FOXK1: variants seen among roughly 807,000 people sequenced by gnomAD.
FOXK1 encodes the protein forkhead box protein K1.
In FOXK1, 19 loss-of-function variants were observed where a neutral mutation model predicts 51.9. The ratio of observed to expected loss-of-function variants is 0.37; its 90% confidence interval spans 0.26 to 0.54. The LOEUF (loss-of-function observed/expected upper bound fraction) is 0.54. Ranked by LOEUF, FOXK1 falls within the 20% of genes least tolerant of loss-of-function variation. The pLI, the probability that FOXK1 is intolerant of heterozygous loss-of-function variation, is 0.87. For synonymous variants in FOXK1, 537 were observed against 482.6 expected, an observed-to-expected ratio of 1.11 and a Z score of -1.48; for missense variants, 870 against 1,032.7, an observed-to-expected ratio of 0.84 and a Z score of 2.16.
chr7:4,721,378 C>A (rs1002828914), intron 1 of FOXK1, among the ~76,000 whole-genome samples: 4 of 152,128 alleles, frequency 2.6e-5, no homozygotes, highest in African/African-American at 9.7e-5. Flanking sequence ...TGAGAAGCGA[C>A]CATTCCCTGC....
At position 4,734,948 on chromosome 7, in the gene FOXK1, C is replaced by A. The variant is rs905972240; in HGVS notation, c.561-5890C>A. ...CTCCGGAAGCTTTCACGGGCTCTTC[C>A]TTCCCTCTCTGATTATTTCTCTGAG... On this transcript the variant is annotated intron_variant, in intron 1 of 8. Transcript: ENST00000328914. This position sits in a 1 kb window ranked among gnomAD's most constrained non-coding sequence, Gnocchi z 5.2. Among the ~76,000 whole-genome samples the A allele has an allele frequency of 6.6e-6, 1 of 152,178 alleles. No homozygotes were observed. The highest frequency in any genetic ancestry group is 2.4e-5 in the African/African-American group (1 of 41,436).
intron 1 of FOXK1, among the ~76,000 whole-genome samples, chr7:4,705,554 T>TCTCTCGCTCTCG (rs1554249288): frequency 1.0e-3 from 134 of 131,556 alleles, no homozygotes; most frequent in African/African-American, 4.0e-3. Context: ...TCTCTCTCTC[T>TCTCTCGCTCTCG]CTCTCGCTCT....
rs762080924 is a variant in FOXK1, at chr7:4,735,437, GCCA to G, written c.561-5397_561-5395del. 6.4e-4 allele frequency among the ~76,000 whole-genome samples: 97 copies of G among 152,280 alleles called. No homozygotes were observed. The highest frequency in any genetic ancestry group is 1.1e-3 in the Non-Finnish European group (76 of 68,032). On this transcript the variant is annotated intron_variant, in intron 1 of 8. Coordinates refer to ENST00000328914, the MANE Select transcript of FOXK1 (RefSeq NM_001037165.2). This position sits in a 1 kb window ranked among gnomAD's most constrained non-coding sequence, Gnocchi z 4.7. ...TTCAGCGCATTCGCAGAGTTGCGCGGCCACCAAGTCAACTTCGGAACATTTTCC... is the reference window on the plus strand; with the variant it reads ...TTCAGCGCATTCGCAGAGTTGCGCGGCCAAGTCAACTTCGGAACATTTTCC...
rs748055766 is a variant in FOXK1 at position 4,735,405 on chromosome 7, C to T, written c.561-5433C>T. On this transcript the variant is annotated intron_variant, in intron 1 of 8. Coordinates refer to ENST00000328914, the MANE Select transcript of FOXK1 (RefSeq NM_001037165.2). The surrounding 1 kb of genome is among the most constrained non-coding windows in gnomAD (Gnocchi z 4.7). ...ACTAACCCTTTCCATTGTTCCAGTCCGTGGTTTTCAGCGCATTCGCAGAGT... is the reference window on the plus strand; with the variant it reads ...ACTAACCCTTTCCATTGTTCCAGTCTGTGGTTTTCAGCGCATTCGCAGAGT... Among the ~76,000 whole-genome samples, 14 of 152,150 alleles carry T rather than the reference C, an allele frequency of 9.2e-5. No homozygotes were observed. Among genetic ancestry groups the T allele is most frequent in the African/African-American group, 1.9e-4 (8 of 41,434 alleles).
At position 4,757,146 on chromosome 7, in the gene FOXK1, T is replaced by A; in HGVS notation, c.1203T>A (p.Gly401=). The change falls in exon 5 of 9, where the codon GGT becomes GGA. Residue 401 remains glycine, a synonymous_variant. Transcript: ENST00000328914. ...EQAFRKRRQR[G]VSCFRTPFGP... is the part of the protein sequence containing the mutation. ...CATTCCGGAAACGGAGGCAGAGGGG[T>A]GTCTCCTGCTTCCGCACCCCCTTCG... 2 of 1,612,248 alleles carry A rather than the reference T, an allele frequency of 1.2e-6. No individual in the cohort carries two copies. Among genetic ancestry groups the A allele is most frequent in the Non-Finnish European group, 1.7e-6 (2 of 1,179,736 alleles).
At position 4,683,248 on chromosome 7, in the gene FOXK1, C is replaced by G. The variant is rs1014664180; in HGVS notation, c.560+380C>G. Among the ~76,000 whole-genome samples the G allele has an allele frequency of 3.3e-5, 5 of 151,506 alleles. No homozygotes were observed. The highest frequency in any genetic ancestry group is 6.6e-5 in the Admixed American group (1 of 15,222). On this transcript the variant is annotated intron_variant, in intron 1 of 8. Coordinates refer to ENST00000328914, the MANE Select transcript of FOXK1 (RefSeq NM_001037165.2). This position sits in a 1 kb window ranked among gnomAD's most constrained non-coding sequence, Gnocchi z 4.5. ...CCTGGGCTCCTGGAGCCACCCATAC[C>G]CCAAGCCCATCTGGCTGGGCCTCTT...
intron 1 of FOXK1, among the ~76,000 whole-genome samples, chr7:4,706,357 C>T (rs1240556453): frequency 6.6e-6 from 1 of 151,458 alleles, no homozygotes. Flanking sequence ...AGTGCTCTGG[C>T]ACCCTAAGTT....
chr7:4,705,554 T>TCTCTCTCTCTCTCTCTCTCGCTCTCG (rs895937029), intron 1 of FOXK1, among the ~76,000 whole-genome samples: 1 of 131,514 alleles, frequency 7.6e-6, no homozygotes, highest in African/African-American at 3.2e-5. Context: ...TCTCTCTCTC[T>TCTCTCTCTCTCTCTCTCTCGCTCTCG]CTCTCGCTCT....
At position 4,729,835 on chromosome 7, in the gene FOXK1, C is replaced by T. The variant is rs370902006; in HGVS notation, c.561-11003C>T. Among the ~76,000 whole-genome samples the T allele has an allele frequency of 1.9e-4, 29 of 152,242 alleles. No homozygotes were observed. Among genetic ancestry groups the T allele is most frequent in the African/African-American group, 6.7e-4 (28 of 41,556 alleles). ...TGAAACCCCATCTCTACTAACAATA[C>T]AAAAACTAGCCAGGCCTGGTAGTGG... On this transcript the variant is annotated intron_variant, in intron 1 of 8. Transcript: ENST00000328914. This position sits in a 1 kb window ranked among gnomAD's most constrained non-coding sequence, Gnocchi z 6.2.
Position 4,735,183 on chromosome 7 carries a change from G to A in FOXK1, c.561-5655G>A, listed in dbSNP as rs890699246. ...CAGTTCCAGCTCGCTGTGTAGAGAC[G>A]GCTCTGTGGTCTGAGGCTGAGCCAG... is the stretch of plus-strand genomic sequence containing the variant. On this transcript the variant is annotated intron_variant, in intron 1 of 8. Coordinates refer to ENST00000328914, the MANE Select transcript of FOXK1 (RefSeq NM_001037165.2). The surrounding 1 kb of genome is among the most constrained non-coding windows in gnomAD (Gnocchi z 4.7). 3.9e-5 allele frequency among the ~76,000 whole-genome samples: 6 copies of A among 152,040 alleles called. No individual in the cohort carries two copies. The highest frequency in any genetic ancestry group is 2.1e-4 in the South Asian group (1 of 4,812).
intron 1 of FOXK1, among the ~76,000 whole-genome samples, chr7:4,726,036 G>A (rs1230663166): frequency 1.3e-5 from 2 of 150,818 alleles, no homozygotes; most frequent in Non-Finnish European, 2.9e-5. Flanking sequence ...TTTAAGCAGC[G>A]AAGACCTTTT....
In FOXK1 at chr7:4,732,636, G is replaced by A. The variant is rs1780493243; in HGVS notation, c.561-8202G>A. 2.0e-5 allele frequency among the ~76,000 whole-genome samples: 3 copies of A among 152,160 alleles called. No homozygotes were observed. In the South Asian group the frequency reaches 6.2e-4, roughly 32 times the overall value. On this transcript the variant is annotated intron_variant, in intron 1 of 8. Transcript: ENST00000328914. ...CCAGCCAATATGCATAGTTTTAAAT[G>A]GCCATAGTAACGCAAGGCTTCAAAC...
rs1275101885 is a variant in FOXK1 at position 4,766,517 on chromosome 7, A to C, written c.*4053A>C. The stretch of plus-strand genomic sequence containing the variant: ...TTTATTTGTATCTCCCTTTTCTTTG[A>C]TTTAAGAACAATGCCAAGTGAAAAA... On this transcript the variant is annotated 3_prime_UTR_variant, in exon 9 of 9. Coordinates refer to ENST00000328914, the MANE Select transcript of FOXK1 (RefSeq NM_001037165.2). This position sits in a 1 kb window ranked among gnomAD's most constrained non-coding sequence, Gnocchi z 5.5. The C allele has an allele frequency of 1.3e-5, 2 of 152,064 alleles. No individual in the cohort carries two copies. Among genetic ancestry groups the C allele is most frequent in the Non-Finnish European group, 2.9e-5 (2 of 68,024 alleles). 9.4% of individuals were successfully genotyped at this position (152,064 alleles called of 1,614,324 possible).
At chr7:4,687,334 C>T (rs1373928399) in intron 1 of FOXK1, among the ~76,000 whole-genome samples, 3 of 151,696 alleles carry the variant, frequency 2.0e-5, no homozygotes, top group Non-Finnish European at 2.9e-5. Flanking sequence ...ACTCTGTTGC[C>T]CGGGCTGGAG....
chr7:4,687,239 TC>T (rs1461008538), intron 1 of FOXK1, among the ~76,000 whole-genome samples: 1 of 150,910 alleles, frequency 6.6e-6, no homozygotes, highest in Non-Finnish European at 1.5e-5. Flanking sequence ...GCCTTTTTTT[TC>T]CTTTTTACAT....
At chr7:4,742,432 T>G (rs1780647122) in intron 2 of FOXK1, among the ~76,000 whole-genome samples, 1 of 152,186 alleles carries the variant, frequency 6.6e-6, no homozygotes, top group South Asian at 2.1e-4. Context: ...TGTTTGTATT[T>G]CAGAGACAGC....
intron 1 of FOXK1, among the ~76,000 whole-genome samples, chr7:4,728,356 G>T (rs543881399): frequency 6.6e-6 from 1 of 152,162 alleles, no homozygotes; most frequent in African/African-American, 2.4e-5. Flanking sequence ...CTCAGTCCTC[G>T]GGGTTGTCCG....
rs111993252 is a variant in FOXK1, at chr7:4,742,741, G to A, written c.746+1718G>A. Among the ~76,000 whole-genome samples the A allele has an allele frequency of 1.4e-3, 215 of 152,244 alleles. 1 individual carries two copies. Among genetic ancestry groups the A allele is most frequent in the African/African-American group, 4.5e-3 (188 of 41,554 alleles). On this transcript the variant is annotated intron_variant, in intron 2 of 8. Transcript: ENST00000328914. ...CCGTACATGGCCTGCACCTTTTCAGGGTCCACAGTTAGAACTACACACTGG... is the reference window on the plus strand; with the variant it reads ...CCGTACATGGCCTGCACCTTTTCAGAGTCCACAGTTAGAACTACACACTGG...
At chr7:4,739,775 T>C (rs1256848195) in intron 1 of FOXK1, among the ~76,000 whole-genome samples, 1 of 152,210 alleles carries the variant, frequency 6.6e-6, no homozygotes, top group Non-Finnish European at 1.5e-5. Flanking sequence ...TCAGATCTTC[T>C]AGGCAGTGGC....
Sources: gnomAD v4.1 joint callset for allele counts (sites outside exome capture counted in the v4.1 genomes callset) on GRCh38, gnomAD v4.1.1 for gene constraint, Gnocchi (gnomAD v3.1) non-coding constraint, MANE v1.5 for transcripts, NCBI Gene and HGNC (gene_info 2026-07-23, HGNC 2026-07-21) for gene names.